The following LUZP2 variants were observed in gnomAD, a reference collection of about 807,000 sequenced individuals.
LUZP2 encodes the protein leucine zipper protein 2.
LUZP2 carries 52 observed loss-of-function variants against 51.6 expected under a neutral mutation model. The observed-to-expected ratio is 1.01, with a 90% CI of 0.81 to 1.27. The LOEUF (loss-of-function observed/expected upper bound fraction) is 1.27. LUZP2 is among the 50% of genes most tolerant of loss of function. The pLI, the probability that LUZP2 is intolerant of heterozygous loss-of-function variation, is 0.00. For missense variants in LUZP2, 436 were observed against 395.4 expected, an observed-to-expected ratio of 1.10 and a Z score of -0.87; for synonymous variants, 154 against 137.3, an observed-to-expected ratio of 1.12 and a Z score of -0.85.
At chr11:24,517,302 A>G (rs958405700) in intron 1 of LUZP2, among the ~76,000 whole-genome samples, 13 of 151,682 alleles carry the variant, frequency 8.6e-5, no homozygotes, top group South Asian at 6.3e-4. Flanking sequence ...TGGCTAACAC[A>G]GTGAAACCCC....
intron 7 of LUZP2, among the ~76,000 whole-genome samples, chr11:24,970,926 A>T (rs1414102860): frequency 6.6e-6 from 1 of 152,178 alleles, no homozygotes; most frequent in Admixed American, 6.6e-5. Context: ...AATTTACATT[A>T]AGAATGTGGT....
At chr11:25,061,963 G>A (rs961756878) in intron 10 of LUZP2, among the ~76,000 whole-genome samples, 1 of 151,994 alleles carries the variant, frequency 6.6e-6, no homozygotes, top group Admixed American at 6.6e-5. Flanking sequence ...TTATGAACCT[G>A]TGTATTGCCC....
chr11:24,691,430 C>A (rs1479463962), intron 1 of LUZP2, among the ~76,000 whole-genome samples: 2 of 149,866 alleles, frequency 1.3e-5, no homozygotes, highest in African/African-American at 2.4e-5. Context: ...ACTTGTGAAT[C>A]ATTTTTTTCT....
chr11:24,941,725 TAAATTTAATGTATTTAA>T (rs1409539399), intron 7 of LUZP2, among the ~76,000 whole-genome samples: 1 of 152,184 alleles, frequency 6.6e-6, no homozygotes, highest in Non-Finnish European at 1.5e-5. Flanking sequence ...TCAATGTATT[TAAATTTAATGTATTTAA>T]AAATTTAATG....
chr11:24,889,295 T>C (rs1852773612), intron 5 of LUZP2, among the ~76,000 whole-genome samples: 1 of 152,176 alleles, frequency 6.6e-6, no homozygotes, highest in Non-Finnish European at 1.5e-5. Flanking sequence ...AAGCATGTAC[T>C]GGAGGCGTGT....
intron 1 of LUZP2, among the ~76,000 whole-genome samples, chr11:24,513,184 A>C (rs970738750): frequency 4.6e-5 from 7 of 152,232 alleles, no homozygotes; most frequent in Non-Finnish European, 7.3e-5. Flanking sequence ...GAAACAAGCT[A>C]ATATCACAAA....
At chr11:24,847,728 A>G (rs1230244689) in intron 5 of LUZP2, among the ~76,000 whole-genome samples, 1 of 152,044 alleles carries the variant, frequency 6.6e-6, no homozygotes, top group Non-Finnish European at 1.5e-5. Context: ...TACCTCCACA[A>G]TTTTTGCCAA....
At chr11:24,881,171 A>G (rs715634) in intron 5 of LUZP2, among the ~76,000 whole-genome samples, 1 of 152,150 alleles carries the variant, frequency 6.6e-6, no homozygotes, top group East Asian at 1.9e-4. Context: ...TTATGAGTTT[A>G]TTTCAAGTTT....
At chr11:24,686,313 C>G (rs1197091842) in intron 1 of LUZP2, among the ~76,000 whole-genome samples, 1 of 152,062 alleles carries the variant, frequency 6.6e-6, no homozygotes, top group African/African-American at 2.4e-5. Context: ...GTCATATTCT[C>G]CAAGTCACTG....
At chr11:25,041,325 T>C (rs1373053056) in intron 9 of LUZP2, among the ~76,000 whole-genome samples, 1 of 152,142 alleles carries the variant, frequency 6.6e-6, no homozygotes, top group Non-Finnish European at 1.5e-5. Context: ...TAAAACAATA[T>C]ACTATAATAA....
At chr11:24,979,962 A>G (rs1405838177) in intron 8 of LUZP2, among the ~76,000 whole-genome samples, 4 of 151,758 alleles carry the variant, frequency 2.6e-5, no homozygotes, top group Non-Finnish European at 5.9e-5. Flanking sequence ...AAAAATAAAG[A>G]CCTGACCTAA....
intron 10 of LUZP2, among the ~76,000 whole-genome samples, chr11:25,058,710 T>C (rs1035201768): frequency 1.7e-4 from 26 of 152,222 alleles, no homozygotes; most frequent in African/African-American, 2.2e-4. Flanking sequence ...AGGCACCTGC[T>C]TGGGGGACAT....
At chr11:24,528,928 A>G (rs149032310) in intron 1 of LUZP2, among the ~76,000 whole-genome samples, 53 of 151,320 alleles carry the variant, frequency 3.5e-4, no homozygotes, top group Admixed American at 9.9e-4. Flanking sequence ...TATTATACAC[A>G]TAGTAGGTGA....
At chr11:24,975,974 C>T (rs1007960348) in intron 7 of LUZP2, among the ~76,000 whole-genome samples, 3 of 151,792 alleles carry the variant, frequency 2.0e-5, no homozygotes, top group Non-Finnish European at 4.4e-5. Context: ...GCTAGAAGTC[C>T]CAGAGTAAGG....
intron 5 of LUZP2, among the ~76,000 whole-genome samples, chr11:24,874,587 C>T (rs768507353): frequency 6.6e-6 from 1 of 152,140 alleles, no homozygotes. Flanking sequence ...TCCCTAATAG[C>T]CCCAGTGTAA....
At chr11:24,728,050 C>A (rs896919148) in intron 1 of LUZP2, among the ~76,000 whole-genome samples, 2 of 151,858 alleles carry the variant, frequency 1.3e-5, no homozygotes, top group Non-Finnish European at 2.9e-5. Context: ...ACACAAATTA[C>A]CCTATTTAAC....
chr11:25,050,643 TAAGC>T (rs1858480026), intron 10 of LUZP2, among the ~76,000 whole-genome samples: 1 of 152,148 alleles, frequency 6.6e-6, no homozygotes, highest in African/African-American at 2.4e-5. Context: ...AGTGTTCCAT[TAAGC>T]ATTGCAACTA....
intron 1 of LUZP2, among the ~76,000 whole-genome samples, chr11:24,609,757 A>G (rs1228114980): frequency 5.0e-5 from 7 of 139,926 alleles, no homozygotes; most frequent in African/African-American, 7.9e-5. Flanking sequence ...AAAAAAAAAA[A>G]AGAGATGGTA....
chr11:24,603,647 T>C (rs914441961), intron 1 of LUZP2, among the ~76,000 whole-genome samples: 4 of 151,824 alleles, frequency 2.6e-5, no homozygotes, highest in African/African-American at 4.8e-5. Context: ...TGTATGTAAA[T>C]ATGCATTGTT....
Sources: gnomAD v4.1 joint callset for allele counts (sites outside exome capture counted in the v4.1 genomes callset) on GRCh38, gnomAD v4.1.1 for gene constraint, MANE v1.5 for transcripts, NCBI Gene and HGNC (gene_info 2026-07-23, HGNC 2026-07-21) for gene names.